The following ATP11A variants were observed in gnomAD, a reference collection of about 807,000 sequenced individuals.
ATP11A encodes ATPase phospholipid transporting 11A, also known as phospholipid-transporting ATPase IH.
Under a neutral mutation model 154.4 loss-of-function variants are expected in ATP11A, and 81 were observed. The ratio of observed to expected loss-of-function variants is 0.52; its 90% CI spans 0.44 to 0.63. ATP11A has a LOEUF of 0.63. Among genes scored for constraint, ATP11A ranks in the 30% least tolerant of loss-of-function variants. ATP11A has a pLI of 0.00. For synonymous variants in ATP11A, 623 were observed against 585.9 expected (o/e 1.06, Z -0.91); for missense variants, 1,316 against 1,474.3 (o/e 0.89, Z 1.76).
rs528239652 is a variant in ATP11A at position 112,754,053 on chromosome 13, C to T, written c.40-31082C>T. ...AGCATCCAGGGCGTCGCTGTCTCAC[C>T]GTGGTCCCCAGTGTTTTGGGATTGA... On this transcript the variant is annotated intron_variant, in intron 1 of 29. Transcript: ENST00000375645. This position sits in a 1 kb window ranked among gnomAD's most constrained non-coding sequence, Gnocchi z 5.3. 1.5e-4 allele frequency among the ~76,000 whole-genome samples: 23 copies of T among 152,320 alleles called. No homozygotes were observed. Among genetic ancestry groups the T allele is most frequent in the African/African-American group, 4.8e-4 (20 of 41,564 alleles).
At chr13:112,829,280 GA>G (rs776433677) in intron 12 of ATP11A, among the ~76,000 whole-genome samples, 6 of 152,176 alleles carry the variant, frequency 3.9e-5, no homozygotes, top group Non-Finnish European at 8.8e-5. Flanking sequence ...CCCACCACCA[GA>G]AAAGAAAATT....
intron 1 of ATP11A, among the ~76,000 whole-genome samples, chr13:112,780,570 C>G (rs1360031505): frequency 1.3e-5 from 2 of 152,212 alleles, no homozygotes; most frequent in Non-Finnish European, 2.9e-5. Context: ...CTTCCATGAA[C>G]AGCGCAGCCG....
chr13:112,728,556 T>C (rs1222121811), intron 1 of ATP11A, among the ~76,000 whole-genome samples: 4 of 149,606 alleles, frequency 2.7e-5, no homozygotes, highest in African/African-American at 5.0e-5. Context: ...CCCGCCTCCC[T>C]GTGTTACCTG....
intron 1 of ATP11A, among the ~76,000 whole-genome samples, chr13:112,722,815 A>G (rs1889352576): frequency 1.3e-5 from 2 of 152,218 alleles, no homozygotes; most frequent in South Asian, 2.1e-4. Flanking sequence ...GATGTTACAC[A>G]TTTCAGGGAG....
chr13:112,848,667 G>A (rs2140316256), intron 17 of ATP11A, among the ~76,000 whole-genome samples: 1 of 152,340 alleles, frequency 6.6e-6, no homozygotes, highest in South Asian at 2.1e-4. Context: ...TCACCATGGA[G>A]GGTGATGTTA....
At chr13:112,845,949 C>T (rs1030165931) in intron 17 of ATP11A, among the ~76,000 whole-genome samples, 1 of 152,190 alleles carries the variant, frequency 6.6e-6, no homozygotes, top group South Asian at 2.1e-4. Context: ...CGCCTGTTGG[C>T]AGACATTGGG....
At chr13:112,740,248 C>T (rs1019296076) in intron 1 of ATP11A, among the ~76,000 whole-genome samples, 2 of 151,984 alleles carry the variant, frequency 1.3e-5, no homozygotes, top group South Asian at 2.1e-4. Context: ...GGTGCTATCT[C>T]GGCTCATTGC....
At position 112,845,679 on chromosome 13, in the gene ATP11A, C is replaced by T. The variant is rs1333216459; in HGVS notation, c.1809+3300C>T. On this transcript the variant is annotated intron_variant, in intron 17 of 29. Coordinates refer to ENST00000375645, the MANE Select transcript of ATP11A (RefSeq NM_015205.3). ...ATTCAGTCCAGTTACCAGGCACTAG[C>T]GGTACTAACCAGTCCAGTTGCTGGC... is the stretch of plus-strand genomic sequence containing the variant. 2.9e-4 allele frequency among the ~76,000 whole-genome samples: 28 copies of T among 98,004 alleles called. 2 individuals carry two copies. Among genetic ancestry groups the T allele is most frequent in the African/African-American group, 1.2e-3 (23 of 18,936 alleles). The allele number at this position is 98,004 out of a possible 152,430, so 64.3% of individuals were successfully genotyped here.
intron 2 of ATP11A, among the ~76,000 whole-genome samples, chr13:112,803,834 T>TCC: frequency 1.3e-5 from 1 of 74,128 alleles, no homozygotes; most frequent in East Asian, 3.9e-4. Flanking sequence ...CTTCCCCTCC[T>TCC]CCTCCTTCCT....
chr13:112,690,363 GC>G lies in ATP11A; in HGVS notation c.-52del. Reference sequence around the variant, plus strand: ...CTAGTACCCCGGAGCCCATGGGCGCGCCGAGCCGGGCGCGGGGGCGCTGAAC... The same window carrying G: ...CTAGTACCCCGGAGCCCATGGGCGCGCGAGCCGGGCGCGGGGGCGCTGAAC... On this transcript the variant is annotated 5_prime_UTR_variant, in exon 1 of 30. The change abolishes the stop of an existing upstream ORF in the 5' untranslated region. Coordinates refer to ENST00000375645, the MANE Select transcript of ATP11A (RefSeq NM_015205.3). This position sits in a 1 kb window ranked among gnomAD's most constrained non-coding sequence, Gnocchi z 5.6. 1 of 1,236,468 alleles carries G rather than the reference GC, an allele frequency of 8.1e-7. No homozygotes were observed. The highest frequency in any genetic ancestry group is 1.0e-6 in the Non-Finnish European group (1 of 988,334). 76.6% of individuals were successfully genotyped at this position (1,236,468 alleles called of 1,614,324 possible).
chr13:112,764,423 TGTTTCCTGATGGAGG>T (rs1312599436), intron 1 of ATP11A, among the ~76,000 whole-genome samples: 3 of 152,204 alleles, frequency 2.0e-5, no homozygotes, highest in African/African-American at 7.2e-5. Flanking sequence ...TAGGAATATT[TGTTTCCTGATGGAGG>T]GGTTCCTGGG....
chr13:112,704,535 C>G (rs983491209), intron 1 of ATP11A, among the ~76,000 whole-genome samples: 3 of 152,228 alleles, frequency 2.0e-5, no homozygotes, highest in African/African-American at 7.2e-5. Flanking sequence ...GCGTGCGTCT[C>G]AGGTTTGTAT....
rs776028566 is a variant in ATP11A, at chr13:112,831,928, CACAG to C, written c.1395+384_1395+387del. Among the ~76,000 whole-genome samples the C allele has an allele frequency of 1.1e-3, 157 of 144,136 alleles. 1 individual carries two copies. Among genetic ancestry groups the C allele is most frequent in the Non-Finnish European group, 1.2e-3 (82 of 66,966 alleles). 94.6% of individuals were successfully genotyped at this position (144,136 alleles called of 152,430 possible). On this transcript the variant is annotated intron_variant, in intron 13 of 29. Coordinates refer to ENST00000375645, the MANE Select transcript of ATP11A (RefSeq NM_015205.3). ...CACATGCCCAGACACTGTGTGCACA[CACAG>C]ACACACATGCACACATGCAGACACA...
At chr13:112,829,849 A>G (rs912743781) in intron 12 of ATP11A, among the ~76,000 whole-genome samples, 4 of 152,274 alleles carry the variant, frequency 2.6e-5, no homozygotes, top group Non-Finnish European at 4.4e-5. Flanking sequence ...AATTTGCAGG[A>G]TACAAAATCA....
chr13:112,700,931 C>T (rs989745561), intron 1 of ATP11A, among the ~76,000 whole-genome samples: 4 of 152,238 alleles, frequency 2.6e-5, no homozygotes, highest in Non-Finnish European at 4.4e-5. Context: ...ACCTGCTTCT[C>T]TCGCCCACTT....
At position 112,690,296 on chromosome 13, in the gene ATP11A, C is replaced by G. The variant is rs1202142174; in HGVS notation, c.-121C>G. The G allele has an allele frequency of 1.4e-6, 1 of 695,912 alleles. No homozygotes were observed. Among genetic ancestry groups the G allele is most frequent in the African/African-American group, 1.9e-5 (1 of 51,956 alleles). 43.1% of individuals were successfully genotyped at this position (695,912 alleles called of 1,614,324 possible). The stretch of plus-strand genomic sequence containing the variant: ...GGCCGCGGCCGCCCCCTGCACCGCC[C>G]GGCGCGCCGAGGCCGTGACCGGAGC... On this transcript the variant is annotated 5_prime_UTR_variant, in exon 1 of 30. Transcript: ENST00000375645. This position sits in a 1 kb window ranked among gnomAD's most constrained non-coding sequence, Gnocchi z 5.6.
intron 1 of ATP11A, among the ~76,000 whole-genome samples, chr13:112,710,246 G>A (rs995783433): frequency 6.6e-5 from 10 of 152,162 alleles, no homozygotes; most frequent in African/African-American, 2.2e-4. Context: ...GGGCCCTTTG[G>A]AAAGGCTCTT....
intron 1 of ATP11A, among the ~76,000 whole-genome samples, chr13:112,784,151 G>A (rs1269589740): frequency 6.6e-6 from 1 of 152,224 alleles, no homozygotes; most frequent in Admixed American, 6.5e-5. Flanking sequence ...CCTGTTAGGC[G>A]GAGAGGAGTA....
At chr13:112,769,614 G>GTT (rs2077179232) in intron 1 of ATP11A, among the ~76,000 whole-genome samples, 1 of 152,216 alleles carries the variant, frequency 6.6e-6, no homozygotes, top group South Asian at 2.1e-4. Context: ...CACCACCCTG[G>GTT]TTTTCCAGGT....
Sources: gnomAD v4.1 joint callset for allele counts (sites outside exome capture counted in the v4.1 genomes callset) on GRCh38, gnomAD v4.1.1 for gene constraint, Gnocchi (gnomAD v3.1) non-coding constraint, MANE v1.5 for transcripts, NCBI Gene and HGNC (gene_info 2026-07-23, HGNC 2026-07-21) for gene names.